Variants in AUTS2 observed in about 807,000 individuals in gnomAD.
The protein encoded by AUTS2 is activator of transcription and developmental regulator AUTS2.
AUTS2 carries 17 observed loss-of-function variants against 112.4 expected under a neutral mutation model. That is an observed-to-expected ratio of 0.15 (90% CI 0.10 to 0.23). The LOEUF is 0.23. Among genes scored for constraint, AUTS2 ranks in the 10% least tolerant of loss-of-function variants. The pLI, the probability that AUTS2 is intolerant of heterozygous loss-of-function variation, is 1.00. For missense variants in AUTS2, 1,510 were observed against 1,701.6 expected, an observed-to-expected ratio of 0.89 and a Z score of 1.98; for synonymous variants, 751 against 702.7, an observed-to-expected ratio of 1.07 and a Z score of -1.09.
At chr7:70,033,317 G>A (rs1368454105) in intron 2 of AUTS2, among the ~76,000 whole-genome samples, 2 of 152,168 alleles carry the variant, frequency 1.3e-5, no homozygotes, top group Non-Finnish European at 1.5e-5. Context: ...TGTATAGTGA[G>A]TATGCATATG....
chr7:70,023,293 C>T (rs1800366048), intron 2 of AUTS2, among the ~76,000 whole-genome samples: 1 of 152,152 alleles, frequency 6.6e-6, no homozygotes, highest in African/African-American at 2.4e-5. Context: ...TTCTTTAGCG[C>T]TTTAAGAGCT....
intron 5 of AUTS2, among the ~76,000 whole-genome samples, chr7:70,496,531 A>T (rs1758589830): frequency 8.9e-6 from 1 of 111,788 alleles, no homozygotes; most frequent in Non-Finnish European, 1.8e-5. Flanking sequence ...CCCCACTCAC[A>T]CACACCACGT....
chr7:70,158,421 A>G (rs1268400573), intron 4 of AUTS2, among the ~76,000 whole-genome samples: 1 of 152,230 alleles, frequency 6.6e-6, no homozygotes, highest in East Asian at 1.9e-4. Context: ...CAAAATTGAC[A>G]GGACAAAGTC....
At chr7:70,762,511 T>G (rs1483388797) in intron 6 of AUTS2, among the ~76,000 whole-genome samples, 1 of 152,064 alleles carries the variant, frequency 6.6e-6, no homozygotes, top group Non-Finnish European at 1.5e-5. Flanking sequence ...CAAGCAATCC[T>G]TCCAACTCGG....
intron 5 of AUTS2, among the ~76,000 whole-genome samples, chr7:70,611,036 A>G (rs1804067075): frequency 6.6e-6 from 1 of 152,234 alleles, no homozygotes; most frequent in Admixed American, 6.5e-5. Flanking sequence ...TATACGAAAC[A>G]TCTTTGTGAA....
rs1203159592 is a variant in AUTS2, at chr7:70,370,372, A to AT, written c.661-65375dup. Among the ~76,000 whole-genome samples, 3 of 151,970 alleles carry AT rather than the reference A, an allele frequency of 2.0e-5. No individual in the cohort carries two copies. In the East Asian group the frequency reaches 5.8e-4, roughly 29 times the overall value. On this transcript the variant is annotated intron_variant, in intron 4 of 18. Coordinates refer to ENST00000342771, the MANE Select transcript of AUTS2 (RefSeq NM_015570.4). ...CTCAGCCCTAGGTAACCAACCCTCT[A>AT]TTTTTCATCTCTATAGATTTGCCTA...
chr7:70,485,922 CTACATTG>C (rs145803955), intron 5 of AUTS2, among the ~76,000 whole-genome samples: 1 of 151,818 alleles, frequency 6.6e-6, no homozygotes, highest in African/African-American at 2.4e-5. Flanking sequence ...GAATTCGACT[CTACATTG>C]AAAAATTAAG....
rs183414696 is a variant in AUTS2, at chr7:69,879,887, C to T, written c.310-19399C>T. ...TGATCATAGGTTGCTGCAGCCTTGA[C>T]TTCCCAGGCTTAGACAATTCTACCA... On this transcript the variant is annotated intron_variant, in intron 1 of 18. Transcript: ENST00000342771. Among the ~76,000 whole-genome samples, 234 of 152,308 alleles carry T rather than the reference C, an allele frequency of 1.5e-3. 1 individual carries two copies. Among genetic ancestry groups the T allele is most frequent in the African/African-American group, 5.5e-3 (229 of 41,576 alleles).
At chr7:69,650,895 C>A (rs976806982) in intron 1 of AUTS2, among the ~76,000 whole-genome samples, 4 of 152,168 alleles carry the variant, frequency 2.6e-5, no homozygotes, top group Non-Finnish European at 5.9e-5. Context: ...GCACATACTG[C>A]GTTAGAATCC....
intron 4 of AUTS2, among the ~76,000 whole-genome samples, chr7:70,230,969 G>A (rs1458569204): frequency 6.6e-6 from 1 of 152,212 alleles, no homozygotes; most frequent in Non-Finnish European, 1.5e-5. Context: ...CAGGAAGCAG[G>A]GGTGGAACTA....
intron 1 of AUTS2, among the ~76,000 whole-genome samples, chr7:69,815,140 CAA>C (rs1412705657): frequency 6.6e-6 from 1 of 152,166 alleles, no homozygotes; most frequent in Non-Finnish European, 1.5e-5. Flanking sequence ...GATAAGGCAT[CAA>C]AGACTTTCAT....
At chr7:70,266,885 T>A (rs1282459044) in intron 4 of AUTS2, among the ~76,000 whole-genome samples, 2 of 152,226 alleles carry the variant, frequency 1.3e-5, no homozygotes, top group Non-Finnish European at 2.9e-5. Flanking sequence ...CAGAAACAAA[T>A]CTGCACTTCC....
At chr7:70,742,074 G>T (rs1788147555) in intron 6 of AUTS2, among the ~76,000 whole-genome samples, 1 of 152,198 alleles carries the variant, frequency 6.6e-6, no homozygotes, top group South Asian at 2.1e-4. Context: ...TGTCGCAGCA[G>T]CTCCTGTTTC....
intron 6 of AUTS2, among the ~76,000 whole-genome samples, chr7:70,755,243 G>A (rs1372616645): frequency 1.3e-5 from 2 of 151,654 alleles, no homozygotes; most frequent in African/African-American, 2.4e-5. Context: ...CAGCGTGGGC[G>A]ACAGAGCAAG....
At chr7:70,722,430 A>G (rs1269502140) in intron 6 of AUTS2, among the ~76,000 whole-genome samples, 1 of 152,168 alleles carries the variant, frequency 6.6e-6, no homozygotes, top group Non-Finnish European at 1.5e-5. Context: ...TATATGCTAT[A>G]AATAATTATA....
At chr7:69,739,958 G>T (rs762208614) in intron 1 of AUTS2, among the ~76,000 whole-genome samples, 3 of 152,180 alleles carry the variant, frequency 2.0e-5, no homozygotes, top group Non-Finnish European at 4.4e-5. Flanking sequence ...GCTAATGAAG[G>T]AGAGGACTGC....
chr7:69,673,111 T>C (rs1033116749), intron 1 of AUTS2, among the ~76,000 whole-genome samples: 1 of 152,226 alleles, frequency 6.6e-6, no homozygotes, highest in Non-Finnish European at 1.5e-5. Context: ...TTCCTACTTT[T>C]ATGTTTCCCT....
chr7:69,701,180 GA>G (rs2129188171), intron 1 of AUTS2, among the ~76,000 whole-genome samples: 1 of 152,280 alleles, frequency 6.6e-6, no homozygotes, highest in African/African-American at 2.4e-5. Flanking sequence ...TAAATGTGAT[GA>G]GACATGTAAA....
intron 1 of AUTS2, among the ~76,000 whole-genome samples, chr7:69,670,555 CAAAAAAAAAAAAAAAAA>C (rs200373158): frequency 6.7e-5 from 8 of 119,070 alleles, no homozygotes; most frequent in South Asian, 2.7e-4. Context: ...CTTGATCCCT[CAAAAAAAAAAAAAAAAA>C]AAAAAAAAAA....
Sources: gnomAD v4.1 joint callset for allele counts (sites outside exome capture counted in the v4.1 genomes callset) on GRCh38, gnomAD v4.1.1 for gene constraint, MANE v1.5 for transcripts, NCBI Gene and HGNC (gene_info 2026-07-23, HGNC 2026-07-21) for gene names.